The following MTMR2 variants were observed in gnomAD, a reference collection of about 807,000 sequenced individuals.
MTMR2 encodes phosphatidylinositol-3,5-bisphosphate 3-phosphatase MTMR2.
MTMR2 carries 55 observed loss-of-function variants against 86.9 expected under a neutral mutation model. The observed-to-expected ratio is 0.63, with a 90% CI of 0.51 to 0.79. The LOEUF (loss-of-function observed/expected upper bound fraction) is 0.79. MTMR2 is among the 30% of genes least tolerant of loss of function. The pLI is 0.00. For synonymous variants in MTMR2, 241 were observed against 266.8 expected, an observed-to-expected ratio of 0.90 and a Z score of 0.94; for missense variants, 659 against 772.3, an observed-to-expected ratio of 0.85 and a Z score of 1.74.
At chr11:95,879,485 A>G (rs117685801) in intron 2 of MTMR2, among the ~76,000 whole-genome samples, 2,521 of 152,232 alleles carry the variant, frequency 0.017, 32 homozygotes, top group South Asian at 0.062. Flanking sequence ...GCATTATGTC[A>G]TTATCCTAGT....
At position 95,833,504 on chromosome 11, in the gene MTMR2, G is replaced by A. The variant is rs1475305876; in HGVS notation, c.*1786C>T. On this transcript the variant is annotated 3_prime_UTR_variant, in exon 15 of 15. Transcript: ENST00000346299. ...CCAAGTGCATGTACTCCATATTGGA[G>A]ACTTCTGCAGAAGGTGAGGGGAACC... 2 of 152,078 alleles carry A rather than the reference G, an allele frequency of 1.3e-5. No homozygotes were observed. The highest frequency in any genetic ancestry group is 2.9e-5 in the Non-Finnish European group (2 of 67,998). The allele number at this position is 152,078 out of a possible 1,614,324, so 9.4% of individuals were successfully genotyped here.
chr11:95,849,294 C>G (rs1863922691), intron 9 of MTMR2, among the ~76,000 whole-genome samples: 1 of 151,930 alleles, frequency 6.6e-6, no homozygotes, highest in South Asian at 2.1e-4. Context: ...TTCGCTATTC[C>G]TAGAGCAGTA....
intron 12 of MTMR2, 52 bp downstream of exon 12, chr11:95,841,565 G>T: frequency 7.4e-7 from 1 of 1,359,532 alleles, no homozygotes; most frequent in South Asian, 1.2e-5. Context: ...TCCCCACTCT[G>T]ACAGGAAAAC....
rs1279840467 is a variant in MTMR2, at chr11:95,841,716, C to T, written c.1387-7G>A. The T allele has an allele frequency of 6.3e-7, 1 of 1,576,484 alleles. No homozygotes were observed. Among genetic ancestry groups the T allele is most frequent in the Non-Finnish European group, 8.7e-7 (1 of 1,148,994 alleles). ...TATCTCCATGGCCAACTCTCTGAAG[C>T]AAAAAGAGTGAAATATATGAACTTA... On this transcript the variant is annotated splice_region_variant and splice_polypyrimidine_tract_variant and intron_variant, in intron 11 of 14. Transcript: ENST00000346299.
chr11:95,874,242 AG>A (rs1865008524), intron 2 of MTMR2, among the ~76,000 whole-genome samples: 2 of 152,194 alleles, frequency 1.3e-5, no homozygotes, highest in Non-Finnish European at 2.9e-5. Flanking sequence ...GTCTCTTTGT[AG>A]GTCTCTAAGG....
intron 2 of MTMR2, among the ~76,000 whole-genome samples, chr11:95,869,603 A>G (rs1864774280): frequency 1.3e-5 from 2 of 152,188 alleles, no homozygotes; most frequent in African/African-American, 4.8e-5. Flanking sequence ...TTGTAAGGAA[A>G]GCAGCAAATC....
rs1027909392 is a variant in MTMR2 at position 95,899,659 on chromosome 11, G to A, written c.81-11398C>T. On this transcript the variant is annotated intron_variant, in intron 1 of 14. Transcript: ENST00000346299. ...GTTAAAAAAAAAAAACTACAGGAGC[G>A]CAGAGGAGGAAAGGACTAAATATGA... 2.5e-4 allele frequency among the ~76,000 whole-genome samples: 38 copies of A among 151,380 alleles called. 1 individual carries two copies. The highest frequency in any genetic ancestry group is 4.6e-4 in the Non-Finnish European group (31 of 67,896).
intron 1 of MTMR2, among the ~76,000 whole-genome samples, chr11:95,912,454 G>A (rs1028545308): frequency 4.0e-5 from 6 of 151,198 alleles, no homozygotes; most frequent in Non-Finnish European, 5.9e-5. Flanking sequence ...TTAAAATGAC[G>A]TTTTTTAAAA....
chr11:95,854,135 T>C (rs753073071), intron 7 of MTMR2, among the ~76,000 whole-genome samples: 6 of 152,096 alleles, frequency 3.9e-5, no homozygotes, highest in Non-Finnish European at 8.8e-5. Context: ...CCGACACACC[T>C]ATCTTCACTA....
At chr11:95,923,167 A>G (rs1208384617) in intron 1 of MTMR2, among the ~76,000 whole-genome samples, 2 of 152,238 alleles carry the variant, frequency 1.3e-5, no homozygotes, top group African/African-American at 4.8e-5. Flanking sequence ...CCCATCTGTT[A>G]CAAGAGAAAT....
intron 1 of MTMR2, chr11:95,923,595 A>T: frequency 8.7e-7 from 1 of 1,153,964 alleles, no homozygotes. Flanking sequence ...AATGAAAGAC[A>T]GGAGAAAGTA....
chr11:95,901,253 G>A (rs1315268219), intron 1 of MTMR2, among the ~76,000 whole-genome samples: 1 of 152,062 alleles, frequency 6.6e-6, no homozygotes, highest in Non-Finnish European at 1.5e-5. Flanking sequence ...ACTAGTCAAA[G>A]CATTTGACTA....
Position 95,889,440 on chromosome 11 carries a change from C to A in MTMR2, c.81-1179G>T, listed in dbSNP as rs1014252086. Among the ~76,000 whole-genome samples, 12 of 148,312 alleles carry A rather than the reference C, an allele frequency of 8.1e-5. No individual in the cohort carries two copies. In the East Asian group the frequency reaches 2.4e-3, roughly 30 times the overall value. On this transcript the variant is annotated intron_variant, in intron 1 of 14. Coordinates refer to ENST00000346299, the MANE Select transcript of MTMR2 (RefSeq NM_016156.6). ...GAGCCACTGCGCCTGGCCAAACTTT[C>A]GATACCTGATCACGCTTTTATTGTT...
chr11:95,917,087 TTTTAA>T (rs1866738492), intron 1 of MTMR2, among the ~76,000 whole-genome samples: 2 of 152,320 alleles, frequency 1.3e-5, no homozygotes, highest in South Asian at 4.1e-4. Context: ...ACAGTTCCAT[TTTTAA>T]TTTGACTTCC....
chr11:95,915,449 T>A lies in MTMR2; in HGVS notation c.80+8426A>T, dbSNP rs374048228. Among the ~76,000 whole-genome samples, 22 of 152,294 alleles carry A rather than the reference T, an allele frequency of 1.4e-4. No homozygotes were observed. In the East Asian group the frequency reaches 1.5e-3, roughly 11 times the overall value. The stretch of plus-strand genomic sequence containing the variant: ...GGAGACTTATATACATATGCTCTTC[T>A]ATTCACATCCAAATTATAAACTCCT... On this transcript the variant is annotated intron_variant, in intron 1 of 14. Transcript: ENST00000346299.
chr11:95,877,139 C>T (rs1865143357), intron 2 of MTMR2, among the ~76,000 whole-genome samples: 1 of 152,044 alleles, frequency 6.6e-6, no homozygotes, highest in South Asian at 2.1e-4. Context: ...TTGGATAATC[C>T]TTCTAAAGAA....
chr11:95,902,147 G>A (rs1175084502), intron 1 of MTMR2, among the ~76,000 whole-genome samples: 1 of 152,148 alleles, frequency 6.6e-6, no homozygotes, highest in Non-Finnish European at 1.5e-5. Flanking sequence ...ACCATGGGCA[G>A]GGTGTTCTAC....
At chr11:95,842,389 A>G (rs745473620) in intron 11 of MTMR2, among the ~76,000 whole-genome samples, 3 of 152,164 alleles carry the variant, frequency 2.0e-5, no homozygotes, top group Non-Finnish European at 4.4e-5. Context: ...TTCTCTGTTC[A>G]TATCTTGACC....
chr11:95,875,264 G>T (rs1865062757), intron 2 of MTMR2, among the ~76,000 whole-genome samples: 1 of 148,542 alleles, frequency 6.7e-6, no homozygotes, highest in East Asian at 2.0e-4. Flanking sequence ...TTTTCACATA[G>T]TCCCATATTT....
Sources: allele counts gnomAD v4.1 joint callset (sites outside exome capture counted in the v4.1 genomes callset), GRCh38; gene constraint gnomAD v4.1.1; transcripts MANE v1.5; gene names NCBI Gene and HGNC (gene_info 2026-07-23, HGNC 2026-07-21).